Variants in CDYL2 observed in about 807,000 individuals in gnomAD.
The protein encoded by CDYL2 is chromodomain Y like 2, also known as chromodomain Y-like protein 2.
A neutral mutation model predicts 49.4 loss-of-function variants in CDYL2; 23 were observed. The ratio of observed to expected loss-of-function variants is 0.47; its 90% CI spans 0.34 to 0.66. The LOEUF is 0.66. Among genes scored for constraint, CDYL2 ranks in the 30% least tolerant of loss-of-function variants. The pLI, the probability that CDYL2 is intolerant of heterozygous loss-of-function variation, is 0.01. For synonymous variants in CDYL2, 360 were observed against 268.8 expected (o/e 1.34, Z -3.32); for missense variants, 678 against 656.4 (o/e 1.03, Z -0.36).
intron 1 of CDYL2, among the ~76,000 whole-genome samples, chr16:80,772,953 CA>C (rs1173869423): frequency 6.6e-6 from 1 of 152,020 alleles, no homozygotes; most frequent in Non-Finnish European, 1.5e-5. Flanking sequence ...GTTTTAAGCT[CA>C]AATATATGTA....
At chr16:80,652,009 A>C (rs756868482) in intron 2 of CDYL2, among the ~76,000 whole-genome samples, 3 of 152,206 alleles carry the variant, frequency 2.0e-5, no homozygotes, top group Non-Finnish European at 4.4e-5. Context: ...TTTTAGTTTG[A>C]TGCAGATAAA....
intron 6 of CDYL2, among the ~76,000 whole-genome samples, chr16:80,605,851 G>C (rs540441582): frequency 6.6e-6 from 1 of 152,328 alleles, no homozygotes; most frequent in East Asian, 1.9e-4. Context: ...AACCCTGCAA[G>C]TAAGTAGTCT....
intron 1 of CDYL2, among the ~76,000 whole-genome samples, chr16:80,775,637 T>G (rs912463371): frequency 1.3e-5 from 2 of 151,744 alleles, no homozygotes; most frequent in Non-Finnish European, 2.9e-5. Flanking sequence ...GAAAGAATGA[T>G]CAACAGAAAA....
chr16:80,778,514 ACTGT>A (rs1319596071), intron 1 of CDYL2, among the ~76,000 whole-genome samples: 1 of 151,988 alleles, frequency 6.6e-6, no homozygotes, highest in Non-Finnish European at 1.5e-5. Context: ...AAAACTCTAA[ACTGT>A]CTAACAAACT....
At chr16:80,727,758 G>A (rs1437583158) in intron 1 of CDYL2, among the ~76,000 whole-genome samples, 2 of 152,194 alleles carry the variant, frequency 1.3e-5, no homozygotes. Flanking sequence ...ATCTGAGAAT[G>A]GGCAGACTGC....
At chr16:80,705,488 T>G (rs959083119) in intron 1 of CDYL2, among the ~76,000 whole-genome samples, 1 of 152,222 alleles carries the variant, frequency 6.6e-6, no homozygotes, top group Non-Finnish European at 1.5e-5. Flanking sequence ...TTCTAGAAGC[T>G]TTAGCCCAGC....
chr16:80,700,271 G>T (rs898330709), intron 1 of CDYL2, among the ~76,000 whole-genome samples: 1 of 152,124 alleles, frequency 6.6e-6, no homozygotes, highest in Non-Finnish European at 1.5e-5. Context: ...CAAAAAATGC[G>T]TTTTAAGACT....
intron 1 of CDYL2, among the ~76,000 whole-genome samples, chr16:80,774,510 T>C (rs1415969652): frequency 6.6e-6 from 1 of 152,178 alleles, no homozygotes; most frequent in African/African-American, 2.4e-5. Flanking sequence ...TTAATAACAA[T>C]GTATTATATA....
At chr16:80,688,488 C>T (rs1280697931) in intron 1 of CDYL2, among the ~76,000 whole-genome samples, 1 of 152,164 alleles carries the variant, frequency 6.6e-6, no homozygotes, top group Non-Finnish European at 1.5e-5. Flanking sequence ...GACTCCGATA[C>T]ATATGAACTT....
intron 1 of CDYL2, among the ~76,000 whole-genome samples, chr16:80,788,493 T>C (rs1907506691): frequency 6.6e-6 from 1 of 152,258 alleles, no homozygotes. Flanking sequence ...GATTTTCTTT[T>C]TCCTTTTCTT....
intron 1 of CDYL2, among the ~76,000 whole-genome samples, chr16:80,772,489 G>A (rs1906939623): frequency 6.6e-6 from 1 of 152,202 alleles, no homozygotes; most frequent in Admixed American, 6.5e-5. Flanking sequence ...GTCTCCCTCT[G>A]TAGACCACGC....
intron 1 of CDYL2, among the ~76,000 whole-genome samples, chr16:80,737,220 G>A (rs1454546463): frequency 6.6e-6 from 1 of 152,148 alleles, no homozygotes; most frequent in Non-Finnish European, 1.5e-5. Context: ...TGTTCCACAG[G>A]ATGTTGAACT....
intron 1 of CDYL2, among the ~76,000 whole-genome samples, chr16:80,760,309 T>C (rs9930747): frequency 0.016 from 2,419 of 152,174 alleles, 57 homozygotes; most frequent in African/African-American, 0.052. Context: ...CAATAGAGAA[T>C]AGAAGAATGG....
chr16:80,641,857 C>G (rs1348013941), intron 2 of CDYL2, among the ~76,000 whole-genome samples: 2 of 151,170 alleles, frequency 1.3e-5, no homozygotes, highest in East Asian at 3.9e-4. Flanking sequence ...TGTAACAAAC[C>G]TGCACATTGT....
At chr16:80,631,406 T>C (rs1907554768) in intron 3 of CDYL2, among the ~76,000 whole-genome samples, 3 of 152,226 alleles carry the variant, frequency 2.0e-5, no homozygotes. Flanking sequence ...GTCAAGAATC[T>C]GTTCCCTTCT....
chr16:80,657,161 A>G (rs577594832), intron 2 of CDYL2, among the ~76,000 whole-genome samples: 1 of 152,256 alleles, frequency 6.6e-6, no homozygotes, highest in Non-Finnish European at 1.5e-5. Context: ...TACTCAAAAC[A>G]TGAATTACTC....
At position 80,604,500 on chromosome 16, in the gene CDYL2, A is replaced by C; in HGVS notation, c.1409T>G (p.Val470Gly). The part of the protein sequence containing the change: ...KCLVRSFLKS[V>G]LEDVNEKECL... ...TTCCTTCTCGTTCACGTCTTCCAGC[A>C]CTGATTTCAGGAAGCTCCGCACGAG... The change falls in exon 7 of 7, where the codon GTG (valine) becomes GGG (glycine). Residue 470 changes from valine to glycine, a missense_variant. By Grantham distance (109) the Val-to-Gly change is moderately radical. This residue lies in a region of CDYL2 where 153 missense variants were observed against 150.6 expected (regional missense o/e 1.02). Coordinates refer to ENST00000570137, the MANE Select transcript of CDYL2 (RefSeq NM_152342.4). The C allele has an allele frequency of 1.2e-6, 2 of 1,614,204 alleles. No individual in the cohort carries two copies. The highest frequency in any genetic ancestry group is 1.7e-6 in the Non-Finnish European group (2 of 1,180,032).
intron 1 of CDYL2, among the ~76,000 whole-genome samples, chr16:80,698,584 T>C (rs917528686): frequency 6.6e-6 from 1 of 152,298 alleles, no homozygotes. Context: ...TAGGACGTGA[T>C]TGGATTATGG....
intron 1 of CDYL2, among the ~76,000 whole-genome samples, chr16:80,712,091 A>G (rs920288680): frequency 6.7e-6 from 1 of 148,870 alleles, no homozygotes; most frequent in Non-Finnish European, 1.5e-5. Flanking sequence ...ATGTGTGTGT[A>G]TATATATGTG....
Sources: allele counts gnomAD v4.1 joint callset (sites outside exome capture counted in the v4.1 genomes callset), GRCh38; gene constraint gnomAD v4.1.1; regional missense constraint gnomAD v4.1.1; transcripts MANE v1.5; gene names NCBI Gene and HGNC (gene_info 2026-07-23, HGNC 2026-07-21).